The following CACNA1B variants were observed in gnomAD, a reference collection of about 807,000 sequenced individuals.
CACNA1B encodes the protein calcium voltage-gated channel subunit alpha1 B, also known as voltage-dependent N-type calcium channel subunit alpha-1B.
In CACNA1B, 70 loss-of-function variants were observed where a neutral mutation model predicts 247.2. That is an observed-to-expected ratio of 0.28 (90% CI 0.23 to 0.35). The LOEUF (loss-of-function observed/expected upper bound fraction) is 0.35. Among genes scored for constraint, CACNA1B ranks in the 10% least tolerant of loss-of-function variants. The probability of loss-of-function intolerance (pLI) is 1.00; values close to 1 mark genes in which losing one functional copy is unlikely to be tolerated. For synonymous variants in CACNA1B, 1,231 were observed against 1,294.4 expected (o/e 0.95, Z 1.05); for missense variants, 2,367 against 3,197.4 (o/e 0.74, Z 6.26).
chr9:138,124,141 G>C lies in CACNA1B; in HGVS notation c.*2142G>C, dbSNP rs201122986. 5 of 152,176 alleles carry C rather than the reference G, an allele frequency of 3.3e-5. No homozygotes were observed. Among genetic ancestry groups the C allele is most frequent in the Non-Finnish European group, 7.3e-5 (5 of 68,028 alleles). The allele number at this position is 152,176 out of a possible 1,614,324, so 9.4% of individuals were successfully genotyped here. ...CTGACTTTGGGTTTTGTTTCTCACT[G>C]TGTCTTCTCCGGCTATCATATATGT... is the stretch of plus-strand genomic sequence containing the variant. On this transcript the variant is annotated 3_prime_UTR_variant, in exon 47 of 47. Transcript: ENST00000371372.
chr9:138,014,220 G>A lies in CACNA1B; in HGVS notation c.2267+985G>A, dbSNP rs1958762377. On this transcript the variant is annotated intron_variant, in intron 18 of 46. Coordinates refer to ENST00000371372, the MANE Select transcript of CACNA1B (RefSeq NM_000718.4). The surrounding 1 kb of genome is among the most constrained non-coding windows in gnomAD (Gnocchi z 6.2). ...GCTGGCATGTGGATGAGTGTGCTAG[G>A]TGTGTGTGTGTGCACTTGAGAGTTG... Among the ~76,000 whole-genome samples, 1 of 152,058 alleles carries A rather than the reference G, an allele frequency of 6.6e-6. No individual in the cohort carries two copies. The highest frequency in any genetic ancestry group is 2.4e-5 in the African/African-American group (1 of 41,406).
In CACNA1B at chr9:137,888,669, A is replaced by C. The variant is rs1365856557; in HGVS notation, c.530+5786A>C. Among the ~76,000 whole-genome samples, 1 of 152,150 alleles carries C rather than the reference A, an allele frequency of 6.6e-6. No individual in the cohort carries two copies. Among genetic ancestry groups the C allele is most frequent in the East Asian group, 1.9e-4 (1 of 5,180 alleles). ...CCTGGACCCGGCCTCCTGTGGGTTG[A>C]AGAGAGGGTGTGTGGGTGTGTGGCC... On this transcript the variant is annotated intron_variant, in intron 3 of 46. Coordinates refer to ENST00000371372, the MANE Select transcript of CACNA1B (RefSeq NM_000718.4). The surrounding 1 kb of genome is among the most constrained non-coding windows in gnomAD (Gnocchi z 4.7).
rs1416857959 is a variant in CACNA1B, at chr9:137,973,293, G to A, written c.1543+1701G>A. Among the ~76,000 whole-genome samples the A allele has an allele frequency of 6.6e-6, 1 of 152,194 alleles. No individual in the cohort carries two copies. Among genetic ancestry groups the A allele is most frequent in the Non-Finnish European group, 1.5e-5 (1 of 68,028 alleles). The stretch of plus-strand genomic sequence containing the variant: ...ATGGCTGGAGGGAAATGTGGGCAGT[G>A]TCCCTGACAGCCGGGCTGGGCCTGA... On this transcript the variant is annotated intron_variant, in intron 11 of 46. Coordinates refer to ENST00000371372, the MANE Select transcript of CACNA1B (RefSeq NM_000718.4). The surrounding 1 kb of genome is among the most constrained non-coding windows in gnomAD (Gnocchi z 4.1).
chr9:138,121,419 T>A lies in CACNA1B; in HGVS notation c.6490-50T>A, dbSNP rs778963606. On this transcript the variant is annotated intron_variant, in intron 46 of 46. Coordinates refer to ENST00000371372, the MANE Select transcript of CACNA1B (RefSeq NM_000718.4). The surrounding 1 kb of genome is among the most constrained non-coding windows in gnomAD (Gnocchi z 6.8). ...ATGTGCTCTGTCTGTTGGTTCGGCT[T>A]TTTTTTTTTTTTTTTTACCTCTGAT... The A allele has an allele frequency of 1.5e-4, 44 of 294,430 alleles. No homozygotes were observed. The highest frequency in any genetic ancestry group is 6.4e-4 in the East Asian group (4 of 6,216). 18.2% of individuals were successfully genotyped at this position (294,430 alleles called of 1,614,324 possible).
intron 20 of CACNA1B, among the ~76,000 whole-genome samples, chr9:138,027,035 A>G (rs1420685640): frequency 1.3e-5 from 2 of 152,176 alleles, no homozygotes; most frequent in African/African-American, 4.8e-5. Flanking sequence ...AGCATCTTTT[A>G]ATGTGCTTAT....
At chr9:138,046,761 C>A in intron 21 of CACNA1B, 143 bp from the exon 22 acceptor site, 1 of 729,200 alleles carries the variant, frequency 1.4e-6, no homozygotes, top group East Asian at 2.7e-5. Flanking sequence ...ACCACAGGGA[C>A]CATTAGCAAA....
At chr9:138,029,542 T>A (rs1306191488) in intron 20 of CACNA1B, among the ~76,000 whole-genome samples, 1 of 152,116 alleles carries the variant, frequency 6.6e-6, no homozygotes, top group Non-Finnish European at 1.5e-5. Context: ...TTTAAAAATT[T>A]CCCTCTGTTT....
At chr9:137,896,411 G>A (rs1957174059) in intron 3 of CACNA1B, among the ~76,000 whole-genome samples, 1 of 152,092 alleles carries the variant, frequency 6.6e-6, no homozygotes, top group Non-Finnish European at 1.5e-5. Flanking sequence ...TCTTCTTTAG[G>A]ATGTTAATAC....
intron 3 of CACNA1B, among the ~76,000 whole-genome samples, chr9:137,895,811 GA>G (rs1957165478): frequency 6.6e-6 from 1 of 152,152 alleles, no homozygotes; most frequent in African/African-American, 2.4e-5. Flanking sequence ...CTTAAAACCT[GA>G]ATGCCTTTTC....
rs529659503 is a variant in CACNA1B, at chr9:137,896,124, A to G, written c.530+13241A>G. Among the ~76,000 whole-genome samples the G allele has an allele frequency of 3.8e-4, 57 of 151,474 alleles. No homozygotes were observed. The East Asian group carries it at 0.011, about 28-fold the overall frequency. ...TGTGGTGGCAGGCGCCTGTAGTCCC[A>G]CCTACTCGGGAGGCTGAGGCAGGAG... On this transcript the variant is annotated intron_variant, in intron 3 of 46. Coordinates refer to ENST00000371372, the MANE Select transcript of CACNA1B (RefSeq NM_000718.4).
At chr9:138,074,142 G>A in intron 34 of CACNA1B, 76 bp downstream of exon 34, 3 of 1,007,440 alleles carry the variant, frequency 3.0e-6, no homozygotes, top group Non-Finnish European at 4.7e-6. Flanking sequence ...GATCATGATT[G>A]TCAAATCATC....
At chr9:137,999,990 A>C (rs560447830) in intron 15 of CACNA1B, among the ~76,000 whole-genome samples, 4 of 152,220 alleles carry the variant, frequency 2.6e-5, no homozygotes, top group Non-Finnish European at 5.9e-5. Flanking sequence ...CAAACAAAAA[A>C]TGTAACCCAA....
intron 37 of CACNA1B, among the ~76,000 whole-genome samples, chr9:138,097,421 C>T (rs1424195772): frequency 6.6e-6 from 1 of 152,140 alleles, no homozygotes; most frequent in Non-Finnish European, 1.5e-5. Flanking sequence ...ACAGGTCAGG[C>T]AGCATGGCTT....
At chr9:138,120,144 C>G (rs1272689112) in intron 44 of CACNA1B, 21 bp from the exon 45 acceptor site, 1 of 1,577,736 alleles carries the variant, frequency 6.3e-7, no homozygotes, top group Non-Finnish European at 8.6e-7. Flanking sequence ...CCTAGGCCCA[C>G]TCTCAGTCCT....
intron 1 of CACNA1B, 133 bp from the exon 2 acceptor site, chr9:137,878,921 G>GA: frequency 1.2e-5 from 7 of 599,678 alleles, no homozygotes; most frequent in Middle Eastern, 4.5e-4. Flanking sequence ...TCCGCCAGGA[G>GA]AGGGGCTCCG....
At chr9:137,966,705 A>AT (rs1158680980) in intron 10 of CACNA1B, among the ~76,000 whole-genome samples, 1 of 148,384 alleles carries the variant, frequency 6.7e-6, no homozygotes, top group Non-Finnish European at 1.5e-5. Flanking sequence ...CGCCCAGCTA[A>AT]TTTTTTGTAT....
chr9:137,970,883 T>A (rs1336688719), intron 10 of CACNA1B, among the ~76,000 whole-genome samples: 1 of 152,166 alleles, frequency 6.6e-6, no homozygotes, highest in Non-Finnish European at 1.5e-5. Flanking sequence ...CGTAAACCGA[T>A]GAGCTTGGCT....
chr9:138,010,049 A>G lies in CACNA1B; in HGVS notation c.2132A>G (p.Asn711Ser). The G allele has an allele frequency of 1.2e-6, 2 of 1,613,788 alleles. No individual in the cohort carries two copies. Among genetic ancestry groups the G allele is most frequent in the Non-Finnish European group, 1.7e-6 (2 of 1,179,716 alleles). ...LNVFLAIAVD[N>S]LANAQELTKD... Reference sequence around the variant, plus strand: ...GTCTTTCTGGCCATCGCTGTGGACAACCTGGCCAACGCCCAAGAGCTGACC... The same window carrying G: ...GTCTTTCTGGCCATCGCTGTGGACAGCCTGGCCAACGCCCAAGAGCTGACC... The change falls in exon 17 of 47, where the codon AAC becomes AGC. Residue 711 changes from asparagine (N) to serine (S), a missense_variant. Asn to Ser is a conservative substitution (Grantham distance 46). This residue lies in a region of CACNA1B where 76 missense variants were observed against 191.0 expected (regional missense o/e 0.40). Coordinates refer to ENST00000371372, the MANE Select transcript of CACNA1B (RefSeq NM_000718.4). The surrounding 1 kb of genome is among the most constrained non-coding windows in gnomAD (Gnocchi z 5.3).
chr9:137,932,857 C>T (rs1033188128), intron 6 of CACNA1B, among the ~76,000 whole-genome samples: 2 of 152,246 alleles, frequency 1.3e-5, no homozygotes, highest in East Asian at 1.9e-4. Context: ...CTTACGTAAT[C>T]GAGTGAAGGA....
Sources: allele counts gnomAD v4.1 joint callset (sites outside exome capture counted in the v4.1 genomes callset), GRCh38; gene constraint gnomAD v4.1.1; regional missense constraint gnomAD v4.1.1; non-coding constraint Gnocchi (gnomAD v3.1); transcripts MANE v1.5; gene names NCBI Gene and HGNC (gene_info 2026-07-23, HGNC 2026-07-21).